Variants in LAMP3 observed in about 807,000 individuals in gnomAD.
The protein encoded by LAMP3 is lysosome associated membrane protein 3.
In LAMP3, 26 loss-of-function variants were observed where a neutral mutation model predicts 34.8. The ratio of observed to expected loss-of-function variants is 0.75; its 90% confidence interval spans 0.55 to 1.04. The LOEUF is 1.04. Ranked by LOEUF, LAMP3 falls within the 50% of genes least tolerant of loss-of-function variation. The probability of loss-of-function intolerance (pLI) is 0.00; values close to 1 mark genes in which losing one functional copy is unlikely to be tolerated. For missense variants in LAMP3, 495 were observed against 524.0 expected (o/e 0.94, Z 0.54); for synonymous variants, 180 against 201.9 (o/e 0.89, Z 0.92).
At chr3:183,130,037 C>A (rs1316427285) in intron 5 of LAMP3, among the ~76,000 whole-genome samples, 1 of 152,104 alleles carries the variant, frequency 6.6e-6, no homozygotes, top group Non-Finnish European at 1.5e-5. Flanking sequence ...GCTGCTGAGA[C>A]CTTGACCTTG....
chr3:183,156,840 G>A (rs540041205), intron 1 of LAMP3, among the ~76,000 whole-genome samples: 18 of 152,218 alleles, frequency 1.2e-4, no homozygotes, highest in South Asian at 4.1e-4. Flanking sequence ...AAGTTGGGGC[G>A]GAGACTTGAG....
chr3:183,152,874 G>T (rs79275625), intron 2 of LAMP3, among the ~76,000 whole-genome samples: 1 of 152,110 alleles, frequency 6.6e-6, no homozygotes, highest in South Asian at 2.1e-4. Context: ...ATTAAAGTTT[G>T]CAGAAAGAGA....
At chr3:183,128,757 G>A (rs1284485541) in intron 5 of LAMP3, among the ~76,000 whole-genome samples, 1 of 152,086 alleles carries the variant, frequency 6.6e-6, no homozygotes, top group Non-Finnish European at 1.5e-5. Context: ...GCCCAGGCTG[G>A]TCTTAAACTC....
chr3:183,151,424 CTTTTTTTTTT>C (rs1303908629), intron 3 of LAMP3, among the ~76,000 whole-genome samples: 1 of 130,042 alleles, frequency 7.7e-6, no homozygotes, highest in Non-Finnish European at 1.6e-5. Context: ...GGGGCATGCT[CTTTTTTTTTT>C]TTTTTTTTTT....
intron 3 of LAMP3, among the ~76,000 whole-genome samples, chr3:183,147,533 T>A (rs1304820726): frequency 6.6e-6 from 1 of 152,204 alleles, no homozygotes; most frequent in Non-Finnish European, 1.5e-5. Flanking sequence ...TTTCTTGTCT[T>A]TAATTTTTGA....
At chr3:183,125,632 T>C (rs1719761253) in intron 5 of LAMP3, among the ~76,000 whole-genome samples, 1 of 152,168 alleles carries the variant, frequency 6.6e-6, no homozygotes, top group Non-Finnish European at 1.5e-5. Flanking sequence ...TCAGAAGAAA[T>C]TGTTAAAATT....
At chr3:183,127,786 T>C (rs541040074) in intron 5 of LAMP3, among the ~76,000 whole-genome samples, 2 of 152,248 alleles carry the variant, frequency 1.3e-5, no homozygotes, top group South Asian at 4.1e-4. Context: ...ATTGTCCAGG[T>C]TTATGACACT....
chr3:183,141,831 C>A (rs75470872), intron 3 of LAMP3, among the ~76,000 whole-genome samples: 3,619 of 152,258 alleles, frequency 0.024, 70 homozygotes, highest in Middle Eastern at 0.051. Context: ...TTATTTAATC[C>A]TCACAATAAT....
chr3:183,162,741 G>T, upstream of LAMP3: 1 of 1,263,480 alleles, frequency 7.9e-7, no homozygotes, highest in Non-Finnish European at 1.1e-6. Flanking sequence ...CTGTGCCGGA[G>T]AAACGAAACC....
chr3:183,157,808 G>T (rs1194671800), intron 1 of LAMP3, among the ~76,000 whole-genome samples: 1 of 152,004 alleles, frequency 6.6e-6, no homozygotes, highest in African/African-American at 2.4e-5. Flanking sequence ...GGTAATGAAT[G>T]AACTCAAATA....
At chr3:183,152,551 C>A in intron 2 of LAMP3, 48 bp from the exon 3 acceptor site, 2 of 1,543,128 alleles carry the variant, frequency 1.3e-6, no homozygotes, top group East Asian at 2.4e-5. Flanking sequence ...GAGGAAAACT[C>A]TAGCTAGGGA....
chr3:183,142,836 G>A (rs553025681), intron 3 of LAMP3, among the ~76,000 whole-genome samples: 57 of 152,266 alleles, frequency 3.7e-4, no homozygotes, highest in Admixed American at 1.4e-3. Context: ...ATTTCATGGG[G>A]CAACAGCAAA....
intron 3 of LAMP3, among the ~76,000 whole-genome samples, chr3:183,149,378 A>G (rs1332224937): frequency 6.6e-6 from 1 of 151,280 alleles, no homozygotes; most frequent in East Asian, 1.9e-4. Flanking sequence ...CGTCTCTACT[A>G]AAAATACAAA....
At chr3:183,155,619 AT>A (rs1229622191) in intron 1 of LAMP3, among the ~76,000 whole-genome samples, 1 of 152,248 alleles carries the variant, frequency 6.6e-6, no homozygotes, top group Non-Finnish European at 1.5e-5. Context: ...TGGGGATGGT[AT>A]TCAAATATTT....
intron 5 of LAMP3, among the ~76,000 whole-genome samples, chr3:183,126,624 A>G (rs965651603): frequency 6.6e-6 from 1 of 152,072 alleles, no homozygotes; most frequent in African/African-American, 2.4e-5. Context: ...CTCTATTTTA[A>G]ATAGTCTATT....
chr3:183,124,343 G>A (rs1719734817), intron 5 of LAMP3, 129 bp from the exon 6 acceptor site: 1 of 751,884 alleles, frequency 1.3e-6, no homozygotes, highest in Non-Finnish European at 2.0e-6. Context: ...CCATTAACTA[G>A]CTTTGTGACC....
Position 183,122,711 on chromosome 3 carries a change from G to A in LAMP3, c.*1370C>T, listed in dbSNP as rs755464630. The A allele has an allele frequency of 1.3e-5, 2 of 152,226 alleles. No homozygotes were observed. The highest frequency in any genetic ancestry group is 2.9e-5 in the Non-Finnish European group (2 of 68,036). The allele number at this position is 152,226 out of a possible 1,614,324, so 9.4% of individuals were successfully genotyped here. ...GCCCCTCAGTCTCCTTCCAGAGAGT[G>A]GAGGATTTATTAAGGATAGGCTATT... On this transcript the variant is annotated 3_prime_UTR_variant, in exon 6 of 6. Coordinates refer to ENST00000265598, the MANE Select transcript of LAMP3 (RefSeq NM_014398.4).
In LAMP3 at chr3:183,156,841, G is replaced by C. The variant is rs965502335; in HGVS notation, c.50-2450C>G. Among the ~76,000 whole-genome samples, 4 of 152,164 alleles carry C rather than the reference G, an allele frequency of 2.6e-5. No individual in the cohort carries two copies. In the South Asian group the frequency reaches 6.2e-4, roughly 24 times the overall value. ...GACACAACTGGTCAAAGTTGGGGCG[G>C]AGACTTGAGCACCGGTACATCTGAA... is the stretch of plus-strand genomic sequence containing the variant. On this transcript the variant is annotated intron_variant, in intron 1 of 5. Transcript: ENST00000265598.
At chr3:183,125,860 A>T (rs1347198084) in intron 5 of LAMP3, among the ~76,000 whole-genome samples, 1 of 152,124 alleles carries the variant, frequency 6.6e-6, no homozygotes, top group Admixed American at 6.6e-5. Flanking sequence ...TATTTTTTAC[A>T]GATGGGGTCT....
Sources: gnomAD v4.1 joint callset for allele counts (sites outside exome capture counted in the v4.1 genomes callset) on GRCh38, gnomAD v4.1.1 for gene constraint, MANE v1.5 for transcripts, NCBI Gene and HGNC (gene_info 2026-07-23, HGNC 2026-07-21) for gene names.